Variants in GABPB1 observed in about 807,000 individuals in gnomAD.
The protein encoded by GABPB1 is GA-binding protein subunit beta-1.
A neutral mutation model predicts 45.9 loss-of-function variants in GABPB1; 15 were observed. The observed-to-expected ratio is 0.33, with a 90% CI of 0.22 to 0.50. The LOEUF (loss-of-function observed/expected upper bound fraction) is 0.50, where lower values mean the gene tolerates loss of function less well. Among genes scored for constraint, GABPB1 ranks in the 20% least tolerant of loss-of-function variants. The pLI, the probability that GABPB1 is intolerant of heterozygous loss-of-function variation, is 0.98. For synonymous variants in GABPB1, 143 were observed against 154.4 expected (o/e 0.93, Z 0.55); for missense variants, 252 against 457.5 (o/e 0.55, Z 4.10).
chr15:50,325,304 CAAAAAAA>C (rs35524259), intron 1 of GABPB1, among the ~76,000 whole-genome samples: 1 of 120,996 alleles, frequency 8.3e-6, no homozygotes. Flanking sequence ...GATGTTATGC[CAAAAAAA>C]AAAAAAAAAA....
At chr15:50,333,606 T>C (rs1306232303) in intron 1 of GABPB1, among the ~76,000 whole-genome samples, 1 of 152,256 alleles carries the variant, frequency 6.6e-6, no homozygotes, top group Non-Finnish European at 1.5e-5. Context: ...TGTTTTTATC[T>C]GAAAATATCC....
chr15:50,293,778 G>A (rs1250465900), intron 6 of GABPB1, among the ~76,000 whole-genome samples: 4 of 152,074 alleles, frequency 2.6e-5, no homozygotes, highest in African/African-American at 4.8e-5. Context: ...TAGAGTTCTT[G>A]CCTTTCATCT....
chr15:50,318,971 G>C (rs1488814112), intron 1 of GABPB1, among the ~76,000 whole-genome samples: 1 of 152,180 alleles, frequency 6.6e-6, no homozygotes, highest in African/African-American at 2.4e-5. Flanking sequence ...GTAATGTAAA[G>C]CAAAATTTTC....
intron 1 of GABPB1, among the ~76,000 whole-genome samples, chr15:50,318,335 C>A (rs1351930763): frequency 6.6e-6 from 1 of 152,068 alleles, no homozygotes. Context: ...CAGTGTAATT[C>A]CTTTGAAACG....
At chr15:50,342,542 G>C (rs1374614045) in intron 1 of GABPB1, among the ~76,000 whole-genome samples, 1 of 152,160 alleles carries the variant, frequency 6.6e-6, no homozygotes, top group Non-Finnish European at 1.5e-5. Context: ...GAAAAAATTT[G>C]TAGATTATAA....
At chr15:50,285,433 A>G (rs2046120277) in intron 8 of GABPB1, among the ~76,000 whole-genome samples, 1 of 152,086 alleles carries the variant, frequency 6.6e-6, no homozygotes, top group Non-Finnish European at 1.5e-5. Context: ...ATTTGATATA[A>G]CTTATTATCA....
chr15:50,290,743 T>C (rs1420977563), intron 6 of GABPB1, among the ~76,000 whole-genome samples: 1 of 152,224 alleles, frequency 6.6e-6, no homozygotes, highest in Non-Finnish European at 1.5e-5. Flanking sequence ...GGCATACAGA[T>C]GTGGTACTAT....
Position 50,309,811 on chromosome 15 carries a change from T to C in GABPB1, c.1-13A>G, listed in dbSNP as rs374934600. 1.5e-5 allele frequency: 22 copies of C among 1,475,850 alleles called. No homozygotes were observed. Among genetic ancestry groups the C allele is most frequent in the African/African-American group, 5.5e-5 (4 of 72,126 alleles). The allele number at this position is 1,475,850 out of a possible 1,614,324, so 91.4% of individuals were successfully genotyped here. On this transcript the variant is annotated splice_polypyrimidine_tract_variant and intron_variant, in intron 1 of 8. Coordinates refer to ENST00000380877, the MANE Select transcript of GABPB1 (RefSeq NM_016654.5). ...CTACCAGGGACATCTAAACAAAACATAGATGAACTGAACATCAAAATCTCC... is the reference window on the plus strand; with the variant it reads ...CTACCAGGGACATCTAAACAAAACACAGATGAACTGAACATCAAAATCTCC...
At chr15:50,311,420 A>T (rs1305244003) in intron 1 of GABPB1, among the ~76,000 whole-genome samples, 1 of 152,218 alleles carries the variant, frequency 6.6e-6, no homozygotes, top group Non-Finnish European at 1.5e-5. Context: ...TAGTCAAGAG[A>T]AAATAAATTA....
chr15:50,286,095 T>C lies in GABPB1; in HGVS notation c.972A>G (p.Glu324=). The C allele has an allele frequency of 1.2e-6, 2 of 1,612,854 alleles. No homozygotes were observed. The highest frequency in any genetic ancestry group is 1.7e-6 in the Non-Finnish European group (2 of 1,179,350). Residue 324 remains glutamate (E), a synonymous_variant, in exon 8 of 9, where the codon GAA becomes GAG. Transcript: ENST00000380877. The stretch of plus-strand genomic sequence containing the variant: ...CTATTTCTGCAGATTCCACCCGGTT[T>C]TCAATTATTTCGATACATTGTCTCT... ...PAKRQCIEII[E]NRVESAEIEE...
chr15:50,334,160 G>T (rs2048039247), intron 1 of GABPB1, among the ~76,000 whole-genome samples: 1 of 152,042 alleles, frequency 6.6e-6, no homozygotes, highest in Non-Finnish European at 1.5e-5. Flanking sequence ...ATGTGTTTAG[G>T]TGTGGACTTA....
chr15:50,353,168 T>G (rs2048918917), intron 1 of GABPB1: 1 of 152,250 alleles, frequency 6.6e-6, no homozygotes, highest in South Asian at 2.1e-4. Flanking sequence ...CTTAAGAATA[T>G]CTTCGAATGT....
intron 1 of GABPB1, among the ~76,000 whole-genome samples, chr15:50,330,469 A>C (rs780127401): frequency 6.6e-6 from 1 of 152,048 alleles, no homozygotes; most frequent in African/African-American, 2.4e-5. Flanking sequence ...CATTTACTTC[A>C]TCCATTTTTC....
intron 1 of GABPB1, among the ~76,000 whole-genome samples, chr15:50,342,549 A>G (rs1020737372): frequency 9.9e-5 from 15 of 152,258 alleles, no homozygotes; most frequent in African/African-American, 3.6e-4. Flanking sequence ...TTTGTAGATT[A>G]TAACAAAAGT....
At chr15:50,299,127 G>C (rs1281189832) in intron 6 of GABPB1, among the ~76,000 whole-genome samples, 2 of 152,074 alleles carry the variant, frequency 1.3e-5, no homozygotes, top group African/African-American at 4.8e-5. Context: ...GAGAGAGTAA[G>C]CATTTGATGA....
chr15:50,307,394 T>C (rs1279944135), intron 2 of GABPB1, among the ~76,000 whole-genome samples: 3 of 152,196 alleles, frequency 2.0e-5, no homozygotes, highest in Non-Finnish European at 4.4e-5. Context: ...CTTGTCTTTT[T>C]ATTGCTAACC....
intron 1 of GABPB1, among the ~76,000 whole-genome samples, chr15:50,323,677 C>T (rs1008328850): frequency 6.6e-6 from 1 of 151,858 alleles, no homozygotes; most frequent in African/African-American, 2.4e-5. Flanking sequence ...CTGGGCAACA[C>T]ACAGAGAGAT....
At chr15:50,307,034 GTA>G (rs1173532997) in intron 2 of GABPB1, among the ~76,000 whole-genome samples, 11 of 151,962 alleles carry the variant, frequency 7.2e-5, no homozygotes, top group Non-Finnish European at 1.3e-4. Context: ...CAGTAGTCTT[GTA>G]TATGTTTCAG....
In GABPB1 at chr15:50,320,437, G is replaced by T. The variant is rs111774635; in HGVS notation, c.1-10639C>A. Among the ~76,000 whole-genome samples, 130 of 152,310 alleles carry T rather than the reference G, an allele frequency of 8.5e-4. 1 individual carries two copies. The highest frequency in any genetic ancestry group is 3.0e-3 in the African/African-American group (123 of 41,578). On this transcript the variant is annotated intron_variant, in intron 1 of 8. Transcript: ENST00000380877. ...CCTGCCTTGGCCTCCCAAAGTGCTG[G>T]GATTACAGGCGTGAGCCACCACTCA... is the stretch of plus-strand genomic sequence containing the variant.
Sources: gnomAD v4.1 joint callset for allele counts (sites outside exome capture counted in the v4.1 genomes callset) on GRCh38, gnomAD v4.1.1 for gene constraint, MANE v1.5 for transcripts, NCBI Gene and HGNC (gene_info 2026-07-23, HGNC 2026-07-21) for gene names.